The following XKR9 variants were observed in gnomAD, a reference collection of about 807,000 sequenced individuals.
XKR9 encodes the protein XK related 9.
In XKR9, 32 loss-of-function variants were observed where a neutral mutation model predicts 32.0. The ratio of observed to expected loss-of-function variants is 1.00; its 90% confidence interval spans 0.76 to 1.34. The LOEUF (loss-of-function observed/expected upper bound fraction) is 1.34, where lower values mean the gene tolerates loss of function less well. Among genes scored for constraint, XKR9 ranks in the 40% most tolerant of loss-of-function variants. The probability of loss-of-function intolerance (pLI) is 0.00; values close to 1 mark genes in which losing one functional copy is unlikely to be tolerated. For missense variants in XKR9, 546 were observed against 429.7 expected (o/e 1.27, Z -2.39); for synonymous variants, 168 against 143.4 (o/e 1.17, Z -1.22).
chr8:70,838,428 T>G, the XKR9 span, among the ~76,000 whole-genome samples: 1 of 152,080 alleles, frequency 6.6e-6, no homozygotes, highest in African/African-American at 2.4e-5. Context: ...TGCAGAAGAC[T>G]TGGGGAAAGA....
chr8:70,774,330 T>C (rs1019313951), intron 2 of XKR9, among the ~76,000 whole-genome samples: 7 of 152,198 alleles, frequency 4.6e-5, no homozygotes, highest in African/African-American at 1.4e-4. Flanking sequence ...AGATGGGGTC[T>C]TGTTATGTTG....
chr8:70,945,275 T>C, the XKR9 span, among the ~76,000 whole-genome samples: 9,067 of 152,242 alleles, frequency 0.06, 381 homozygotes, highest in Non-Finnish European at 0.084. Flanking sequence ...GGGAAAATAA[T>C]TAATAGCAAG....
chr8:71,039,519 C>T, the XKR9 span, among the ~76,000 whole-genome samples: 4 of 152,078 alleles, frequency 2.6e-5, no homozygotes, highest in Non-Finnish European at 2.9e-5. Context: ...GCATTACTTT[C>T]GCACTCTTGT....
chr8:71,012,778 C>T, the XKR9 span, among the ~76,000 whole-genome samples: 171 of 152,274 alleles, frequency 1.1e-3, no homozygotes, highest in Middle Eastern at 3.4e-3. Flanking sequence ...CAACTTTCCC[C>T]TGGTCAGGGC....
chr8:70,693,859 G>A (rs1563426917), intron 3 of XKR9, among the ~76,000 whole-genome samples: 2 of 152,160 alleles, frequency 1.3e-5, no homozygotes, highest in Admixed American at 6.5e-5. Context: ...TTGTTAGTCC[G>A]AAGGTGGCAA....
At chr8:70,698,022 G>T (rs951914970) in intron 3 of XKR9, among the ~76,000 whole-genome samples, 2 of 152,084 alleles carry the variant, frequency 1.3e-5, no homozygotes, top group Non-Finnish European at 2.9e-5. Context: ...TGTGGGATCG[G>T]TGGTGATATC....
the XKR9 span, among the ~76,000 whole-genome samples, chr8:71,051,528 G>GTGTGTGT: frequency 2.5e-5 from 1 of 40,208 alleles, no homozygotes; most frequent in African/African-American, 7.9e-5. Flanking sequence ...GTGGTGGTGG[G>GTGTGTGT]GTGTGTGTGT....
chr8:71,059,527 G>A, the XKR9 span, among the ~76,000 whole-genome samples: 2 of 152,206 alleles, frequency 1.3e-5, no homozygotes, highest in Non-Finnish European at 2.9e-5. Flanking sequence ...TGTGACAAAT[G>A]CCTGCAGAGA....
At chr8:70,698,962 T>C (rs1182916892) in intron 3 of XKR9, among the ~76,000 whole-genome samples, 1 of 152,180 alleles carries the variant, frequency 6.6e-6, no homozygotes, top group East Asian at 1.9e-4. Context: ...TCTCTTTTGA[T>C]CTTTGTTGGT....
At chr8:70,937,979 AGGGAT>A in the XKR9 span, among the ~76,000 whole-genome samples, 2 of 152,194 alleles carry the variant, frequency 1.3e-5, no homozygotes, top group Admixed American at 1.3e-4. Context: ...TAGACCACAG[AGGGAT>A]GGGTTCTATC....
chr8:70,785,798 T>C (rs1481292212), intron 2 of XKR9, among the ~76,000 whole-genome samples: 1 of 149,124 alleles, frequency 6.7e-6, no homozygotes, highest in Non-Finnish European at 1.5e-5. Context: ...TATGTATATA[T>C]ACTTACATAC....
downstream of XKR9, among the ~76,000 whole-genome samples, chr8:70,736,839 G>C (rs1378218861): frequency 2.0e-5 from 3 of 151,128 alleles, no homozygotes; most frequent in African/African-American, 7.3e-5. Context: ...CTCTGTTTTG[G>C]TACCAGTACC....
the XKR9 span, among the ~76,000 whole-genome samples, chr8:70,896,743 T>G: frequency 6.6e-6 from 1 of 152,038 alleles, no homozygotes; most frequent in Non-Finnish European, 1.5e-5. Flanking sequence ...CTTTTTAAAT[T>G]TTTGTGGGCA....
chr8:70,923,113 C>G, the XKR9 span, among the ~76,000 whole-genome samples: 1 of 152,230 alleles, frequency 6.6e-6, no homozygotes, highest in Non-Finnish European at 1.5e-5. Context: ...AGAAGCATCA[C>G]AGCCTGAAGA....
At chr8:71,052,701 C>A in the XKR9 span, among the ~76,000 whole-genome samples, 1 of 152,182 alleles carries the variant, frequency 6.6e-6, no homozygotes, top group African/African-American at 2.4e-5. Flanking sequence ...TGGCTGGGTG[C>A]CTGCTTCATG....
the XKR9 span, among the ~76,000 whole-genome samples, chr8:70,872,949 T>C: frequency 6.6e-6 from 1 of 152,202 alleles, no homozygotes; most frequent in African/African-American, 2.4e-5. Context: ...TATGAGCCAC[T>C]GCATCTGGCC....
the XKR9 span, among the ~76,000 whole-genome samples, chr8:70,879,153 A>G: frequency 3.9e-5 from 6 of 152,238 alleles, no homozygotes; most frequent in African/African-American, 1.4e-4. Flanking sequence ...ACACATTTAA[A>G]GCAGTGGGTA....
the XKR9 span, among the ~76,000 whole-genome samples, chr8:70,988,141 T>C: frequency 6.6e-6 from 1 of 152,074 alleles, no homozygotes; most frequent in Non-Finnish European, 1.5e-5. Context: ...CACGCTATAA[T>C]GAGAGGGCTC....
chr8:70,826,983 G>A, the XKR9 span, among the ~76,000 whole-genome samples: 1 of 152,058 alleles, frequency 6.6e-6, no homozygotes, highest in Non-Finnish European at 1.5e-5. Flanking sequence ...CTTCTTTAAT[G>A]ATCCTTCAAC....
Sources: allele counts gnomAD v4.1 joint callset (sites outside exome capture counted in the v4.1 genomes callset), GRCh38; gene constraint gnomAD v4.1.1; transcripts MANE v1.5; gene names NCBI Gene and HGNC (gene_info 2026-07-23, HGNC 2026-07-21).